The following RBFOX1 variants were observed in gnomAD, a reference collection of about 807,000 sequenced individuals.
RBFOX1 encodes the protein RNA binding protein fox-1 homolog 1.
In RBFOX1, 8 loss-of-function variants were observed where a neutral mutation model predicts 57.7. The observed-to-expected ratio is 0.14, with a 90% confidence interval of 0.08 to 0.25. The LOEUF (loss-of-function observed/expected upper bound fraction) is 0.25, where lower values mean the gene tolerates loss of function less well. Ranked by LOEUF, RBFOX1 falls within the 10% of genes least tolerant of loss-of-function variation. The pLI is 1.00. For missense variants in RBFOX1, 611 were observed against 548.5 expected (o/e 1.11, Z -1.14); for synonymous variants, 326 against 222.4 (o/e 1.47, Z -4.15).
chr16:6,314,060 G>T (rs1033793824), intron 1 of RBFOX1, among the ~76,000 whole-genome samples: 2 of 152,122 alleles, frequency 1.3e-5, no homozygotes, highest in Non-Finnish European at 2.9e-5. Flanking sequence ...AGATGTAAAG[G>T]TGTGGGTTTG....
At chr16:6,931,505 A>C (rs1178741973) in intron 3 of RBFOX1, among the ~76,000 whole-genome samples, 3 of 152,024 alleles carry the variant, frequency 2.0e-5, no homozygotes, top group Non-Finnish European at 2.9e-5. Context: ...CAATGAGAAC[A>C]CTCATTTTAA....
At chr16:6,294,724 A>G (rs2077877922) in intron 1 of RBFOX1, among the ~76,000 whole-genome samples, 1 of 152,228 alleles carries the variant, frequency 6.6e-6, no homozygotes, top group South Asian at 2.1e-4. Context: ...CATAAATACC[A>G]GGTTGTCCTT....
intron 3 of RBFOX1, among the ~76,000 whole-genome samples, chr16:5,840,815 T>G (rs757656985): frequency 1.3e-4 from 20 of 152,028 alleles, no homozygotes; most frequent in Non-Finnish European, 2.5e-4. Context: ...AGACAAAACC[T>G]AGGGGAACCA....
chr16:6,780,219 TTATA>T lies in RBFOX1; in HGVS notation c.-16+125577_-16+125580del, dbSNP rs1388441537. ...TATATTTTTATATATTTATATATAT[TTATA>T]TATATATTTATATATATTTACATAT... is the stretch of plus-strand genomic sequence containing the variant. On this transcript the variant is annotated intron_variant, in intron 3 of 15. Transcript: ENST00000550418. Among the ~76,000 whole-genome samples the T allele has an allele frequency of 1.7e-4, 12 of 70,772 alleles. 2 individuals are homozygous for T. The highest frequency in any genetic ancestry group is 2.1e-4 in the Non-Finnish European group (9 of 43,794). The allele number at this position is 70,772 out of a possible 152,430, so 46.4% of individuals were successfully genotyped here.
intron 11 of RBFOX1, among the ~76,000 whole-genome samples, chr16:7,648,164 G>C (rs770182782): frequency 1.1e-4 from 16 of 152,166 alleles, no homozygotes; most frequent in Non-Finnish European, 2.2e-4. Context: ...ATTCGTGTTA[G>C]TGGCATGCGA....
intron 3 of RBFOX1, among the ~76,000 whole-genome samples, chr16:5,767,094 G>A (rs535293306): frequency 1.4e-4 from 22 of 152,336 alleles, no homozygotes; most frequent in Admixed American, 1.2e-3. Context: ...GACAGAAACC[G>A]TGTTTGCACA....
intron 1 of RBFOX1, among the ~76,000 whole-genome samples, chr16:6,108,387 T>A (rs1299740090): frequency 6.6e-6 from 1 of 152,006 alleles, no homozygotes; most frequent in African/African-American, 2.4e-5. Flanking sequence ...ACTTGTAAGG[T>A]GGTTGTGATA....
At chr16:5,907,966 A>G (rs1210077030) in intron 4 of RBFOX1, among the ~76,000 whole-genome samples, 2 of 151,446 alleles carry the variant, frequency 1.3e-5, no homozygotes, top group African/African-American at 2.4e-5. Context: ...GGCCAGGCTG[A>G]TCTCAAACTG....
In RBFOX1 at chr16:7,410,479, C is replaced by G. The variant is rs146449764; in HGVS notation, c.28-107668C>G. ...GGTGGATTACATGAGGTTGGGAGTT[C>G]GAGACCAGCCTGACCAACATGGAGA... On this transcript the variant is annotated intron_variant, in intron 4 of 15. Transcript: ENST00000550418. Among the ~76,000 whole-genome samples the G allele has an allele frequency of 5.8e-3, 887 of 152,182 alleles. 11 individuals are homozygous for G. The highest frequency in any genetic ancestry group is 9.9e-3 in the Non-Finnish European group (676 of 68,000).
At chr16:5,523,548 T>C (rs2044111762) in intron 2 of RBFOX1, among the ~76,000 whole-genome samples, 1 of 152,076 alleles carries the variant, frequency 6.6e-6, no homozygotes, top group African/African-American at 2.4e-5. Context: ...CCCAGGATGG[T>C]TGAGACTGCA....
At chr16:7,446,398 A>G (rs2098807783) in intron 4 of RBFOX1, among the ~76,000 whole-genome samples, 1 of 152,234 alleles carries the variant, frequency 6.6e-6, no homozygotes, top group South Asian at 2.1e-4. Flanking sequence ...CAAGGAGGCC[A>G]TGATTTTCTA....
At chr16:5,677,313 C>T (rs1302923939) in intron 3 of RBFOX1, among the ~76,000 whole-genome samples, 1 of 152,194 alleles carries the variant, frequency 6.6e-6, no homozygotes, top group Non-Finnish European at 1.5e-5. Context: ...TGAAATCCAC[C>T]TGCATATTCA....
intron 2 of RBFOX1, among the ~76,000 whole-genome samples, chr16:6,477,271 A>G (rs2153088859): frequency 6.6e-6 from 1 of 152,370 alleles, no homozygotes; most frequent in African/African-American, 2.4e-5. Flanking sequence ...CAGAACCATC[A>G]GAAGAATCCG....
chr16:5,654,589 C>T (rs551828681), intron 3 of RBFOX1, among the ~76,000 whole-genome samples: 7 of 152,206 alleles, frequency 4.6e-5, no homozygotes, highest in African/African-American at 1.7e-4. Flanking sequence ...TGTGAAAACA[C>T]CCTGTTCGTT....
intron 2 of RBFOX1, among the ~76,000 whole-genome samples, chr16:6,545,748 C>T (rs1455091440): frequency 6.6e-6 from 1 of 152,214 alleles, no homozygotes; most frequent in Admixed American, 6.5e-5. Flanking sequence ...TGTGCATTTT[C>T]CCACTTGAGG....
chr16:6,990,076 C>G (rs1228434476), intron 3 of RBFOX1, among the ~76,000 whole-genome samples: 2 of 152,176 alleles, frequency 1.3e-5, no homozygotes, highest in East Asian at 1.9e-4. Context: ...ATATACTCTT[C>G]AAGAGGTCAG....
intron 1 of RBFOX1, among the ~76,000 whole-genome samples, chr16:6,055,590 CAAAAAAAAAAAAAAA>C (rs35872547): frequency 1.5e-5 from 1 of 65,578 alleles, no homozygotes; most frequent in Non-Finnish European, 2.6e-5. Context: ...GAGACTCCGT[CAAAAAAAAAAAAAAA>C]AAAAAAAAAG....
At chr16:5,917,199 G>A (rs923169499) in intron 4 of RBFOX1, among the ~76,000 whole-genome samples, 1 of 152,116 alleles carries the variant, frequency 6.6e-6, no homozygotes, top group African/African-American at 2.4e-5. Context: ...CCCAGCGCCC[G>A]TGCTTTGAAT....
chr16:5,284,809 A>G (rs114885557), intron 1 of RBFOX1, among the ~76,000 whole-genome samples: 2,663 of 116,436 alleles, frequency 0.023, 51 homozygotes, highest in Middle Eastern at 0.13. Context: ...CCCTTTTCTC[A>G]TAGCCTGTCT....
Sources: gnomAD v4.1 joint callset for allele counts (sites outside exome capture counted in the v4.1 genomes callset) on GRCh38, gnomAD v4.1.1 for gene constraint, MANE v1.5 for transcripts, NCBI Gene and HGNC (gene_info 2026-07-23, HGNC 2026-07-21) for gene names.